Variants in LHFPL3 observed in about 807,000 individuals in gnomAD.
LHFPL3 encodes LHFPL tetraspan subfamily member 3.
A neutral mutation model predicts 19.3 loss-of-function variants in LHFPL3; 5 were observed. The ratio of observed to expected loss-of-function variants is 0.26; its 90% CI spans 0.14 to 0.54. The LOEUF is 0.54. Among genes scored for constraint, LHFPL3 ranks in the 20% least tolerant of loss-of-function variants. The pLI is 0.94. For synonymous variants in LHFPL3, 133 were observed against 126.2 expected (o/e 1.05, Z -0.36); for missense variants, 249 against 307.4 (o/e 0.81, Z 1.42).
chr7:104,499,922 C>A (rs1014503826), intron 1 of LHFPL3, among the ~76,000 whole-genome samples: 2 of 152,058 alleles, frequency 1.3e-5, no homozygotes, highest in Non-Finnish European at 1.5e-5. Context: ...TAAAACAAGC[C>A]AGCAGATTAA....
At chr7:104,718,241 A>T (rs569884767) in intron 1 of LHFPL3, among the ~76,000 whole-genome samples, 1 of 152,196 alleles carries the variant, frequency 6.6e-6, no homozygotes, top group African/African-American at 2.4e-5. Context: ...GCTTATAGTT[A>T]ATAATACTAT....
At chr7:104,765,353 G>T (rs577507846) in intron 2 of LHFPL3, among the ~76,000 whole-genome samples, 1 of 152,302 alleles carries the variant, frequency 6.6e-6, no homozygotes, top group Admixed American at 6.5e-5. Flanking sequence ...GTGGACTGCA[G>T]AATACATCTG....
chr7:104,668,804 A>T, intron 1 of LHFPL3: 1 of 1,603,218 alleles, frequency 6.2e-7, no homozygotes, highest in Non-Finnish European at 8.5e-7. Flanking sequence ...CTCCCAGTCC[A>T]CTCGAGCTGC....
chr7:104,489,916 C>T (rs1398498562), intron 1 of LHFPL3, among the ~76,000 whole-genome samples: 3 of 152,074 alleles, frequency 2.0e-5, no homozygotes, highest in African/African-American at 4.8e-5. Flanking sequence ...CTGCTGACAC[C>T]GTAAGTCTTT....
intron 1 of LHFPL3, among the ~76,000 whole-genome samples, chr7:104,678,514 G>A (rs1019631057): frequency 6.6e-6 from 1 of 151,764 alleles, no homozygotes; most frequent in Non-Finnish European, 1.5e-5. Context: ...TTTTTTTCCT[G>A]GCCAAACTTG....
chr7:104,829,503 C>T (rs902119055), intron 2 of LHFPL3, among the ~76,000 whole-genome samples: 7 of 151,680 alleles, frequency 4.6e-5, no homozygotes, highest in African/African-American at 1.7e-4. Flanking sequence ...ACAACAGTCC[C>T]CGGAGTGTGA....
chr7:104,391,963 C>G (rs1278768179), intron 1 of LHFPL3, among the ~76,000 whole-genome samples: 3 of 152,152 alleles, frequency 2.0e-5, no homozygotes, highest in Non-Finnish European at 4.4e-5. Context: ...AATGGGAGTT[C>G]ACTCATGATT....
intron 1 of LHFPL3, among the ~76,000 whole-genome samples, chr7:104,454,851 T>C (rs1349394263): frequency 6.6e-6 from 1 of 152,240 alleles, no homozygotes; most frequent in Non-Finnish European, 1.5e-5. Context: ...TATGTTATAA[T>C]TTTGTTCCTA....
At chr7:104,518,953 T>C (rs1793987879) in intron 1 of LHFPL3, among the ~76,000 whole-genome samples, 1 of 152,074 alleles carries the variant, frequency 6.6e-6, no homozygotes, top group African/African-American at 2.4e-5. Flanking sequence ...GTGAAAGGGG[T>C]ACATATTTTT....
At chr7:104,398,788 T>C (rs1791247768) in intron 1 of LHFPL3, among the ~76,000 whole-genome samples, 1 of 152,174 alleles carries the variant, frequency 6.6e-6, no homozygotes, top group South Asian at 2.1e-4. Flanking sequence ...CACTCTTCTG[T>C]TCTTCGCTGG....
At chr7:104,687,397 G>T (rs911364359) in intron 1 of LHFPL3, among the ~76,000 whole-genome samples, 2 of 152,132 alleles carry the variant, frequency 1.3e-5, no homozygotes, top group African/African-American at 4.8e-5. Flanking sequence ...CATTACATAG[G>T]CATGAATTGA....
chr7:104,820,935 A>G (rs1209741443), intron 2 of LHFPL3, among the ~76,000 whole-genome samples: 1 of 152,136 alleles, frequency 6.6e-6, no homozygotes, highest in Non-Finnish European at 1.5e-5. Flanking sequence ...CCCAGACAGG[A>G]GCCTAGAGAG....
chr7:104,750,161 C>T (rs1235304922), intron 2 of LHFPL3, among the ~76,000 whole-genome samples: 1 of 152,202 alleles, frequency 6.6e-6, no homozygotes, highest in African/African-American at 2.4e-5. Context: ...CTTTGATACA[C>T]TTCTGAGGCT....
intron 1 of LHFPL3, among the ~76,000 whole-genome samples, chr7:104,627,847 A>G (rs954347981): frequency 3.9e-5 from 6 of 152,318 alleles, no homozygotes; most frequent in African/African-American, 1.4e-4. Context: ...ACCTTCCCCA[A>G]TGCAAAATCC....
chr7:104,642,733 C>T (rs755884212), intron 1 of LHFPL3, among the ~76,000 whole-genome samples: 1 of 152,164 alleles, frequency 6.6e-6, no homozygotes, highest in Non-Finnish European at 1.5e-5. Flanking sequence ...CAGGGTGCGA[C>T]AGGAGAAGGC....
chr7:104,786,887 G>C (rs1472137478), intron 2 of LHFPL3, among the ~76,000 whole-genome samples: 5 of 152,108 alleles, frequency 3.3e-5, no homozygotes, highest in Non-Finnish European at 5.9e-5. Flanking sequence ...ATAACATAGT[G>C]ATATACTTAA....
intron 1 of LHFPL3, among the ~76,000 whole-genome samples, chr7:104,505,668 G>T (rs1394535359): frequency 1.3e-5 from 2 of 152,148 alleles, no homozygotes; most frequent in Non-Finnish European, 2.9e-5. Context: ...GTCGAAAAAA[G>T]ATAAGCACAA....
At chr7:104,336,093 T>C (rs1260065081) in intron 1 of LHFPL3, among the ~76,000 whole-genome samples, 4 of 152,048 alleles carry the variant, frequency 2.6e-5, no homozygotes, top group Non-Finnish European at 5.9e-5. Flanking sequence ...ACTTTGGGGG[T>C]CAGCACCAGC....
intron 1 of LHFPL3, among the ~76,000 whole-genome samples, chr7:104,708,784 T>C (rs1379545140): frequency 6.6e-6 from 1 of 152,168 alleles, no homozygotes; most frequent in Non-Finnish European, 1.5e-5. Context: ...TTATATGTTG[T>C]TACACTTGAT....
Sources: gnomAD v4.1 joint callset for allele counts (sites outside exome capture counted in the v4.1 genomes callset) on GRCh38, gnomAD v4.1.1 for gene constraint, MANE v1.5 for transcripts, NCBI Gene and HGNC (gene_info 2026-07-23, HGNC 2026-07-21) for gene names.